Variants in ARHGAP26 observed in about 807,000 individuals in gnomAD.
The protein encoded by ARHGAP26 is Rho GTPase activating protein 26.
Under a neutral mutation model 104.8 loss-of-function variants are expected in ARHGAP26, and 38 were observed. The observed-to-expected ratio is 0.36, with a 90% CI of 0.28 to 0.48. ARHGAP26 has a LOEUF of 0.48. ARHGAP26 is among the 20% of genes least tolerant of loss of function. The probability of loss-of-function intolerance (pLI) is 0.99; values close to 1 mark genes in which losing one functional copy is unlikely to be tolerated. For missense variants in ARHGAP26, 704 were observed against 947.9 expected, an observed-to-expected ratio of 0.74 and a Z score of 3.38; for synonymous variants, 341 against 340.0, an observed-to-expected ratio of 1.00 and a Z score of -0.03.
intron 10 of ARHGAP26, among the ~76,000 whole-genome samples, chr5:142,930,628 ACTCCCTTCTCTTGCTCGTTTG>A (rs1240522284): frequency 6.7e-6 from 1 of 149,174 alleles, no homozygotes; most frequent in African/African-American, 2.5e-5. Flanking sequence ...TTGTTTTCTC[ACTCCCTTCTCTTGCTCGTTTG>A]CATGCTTTCC....
chr5:142,865,478 GTTTTTTTTTTT>G lies in ARHGAP26; in HGVS notation c.155-7909_155-7899del, dbSNP rs35950662. Among the ~76,000 whole-genome samples, 6 of 117,230 alleles carry G rather than the reference GTTTTTTTTTTT, an allele frequency of 5.1e-5. No homozygotes were observed. In the South Asian group the frequency reaches 8.7e-4, roughly 17 times the overall value. The allele number at this position is 117,230 out of a possible 152,430, so 76.9% of individuals were successfully genotyped here. A position where few individuals can be genotyped will look rare whatever the true frequency, so the allele number is the denominator to read the frequency against. ...AACTTGGAGTTTTCAACACGGAGAA[GTTTTTTTTTTT>G]TTTTTTTTTTTTGAATCCCTTATAA... On this transcript the variant is annotated intron_variant, in intron 1 of 22. Coordinates refer to ENST00000645722, the MANE Select transcript of ARHGAP26 (RefSeq NM_001135608.3).
At chr5:143,009,114 A>G (rs764538309) in intron 11 of ARHGAP26, among the ~76,000 whole-genome samples, 11 of 152,072 alleles carry the variant, frequency 7.2e-5, no homozygotes, top group Non-Finnish European at 1.3e-4. Flanking sequence ...CCTGTGGTTC[A>G]GAGAGAATAT....
intron 17 of ARHGAP26, among the ~76,000 whole-genome samples, chr5:143,081,613 A>G (rs973483613): frequency 6.6e-6 from 1 of 152,228 alleles, no homozygotes; most frequent in African/African-American, 2.4e-5. Context: ...GTCCTTGTTT[A>G]TAAAATGGGA....
chr5:142,812,289 T>G (rs1764239496), intron 1 of ARHGAP26, among the ~76,000 whole-genome samples: 1 of 152,176 alleles, frequency 6.6e-6, no homozygotes, highest in South Asian at 2.1e-4. Flanking sequence ...GGTCTCACTC[T>G]TTTGCCCAGG....
intron 17 of ARHGAP26, among the ~76,000 whole-genome samples, chr5:143,087,305 C>T (rs1312219228): frequency 6.6e-6 from 1 of 152,186 alleles, no homozygotes; most frequent in African/African-American, 2.4e-5. Context: ...GAACTTGGTT[C>T]TTTCATTGGA....
At chr5:142,962,661 A>G (rs1392701384) in intron 11 of ARHGAP26, among the ~76,000 whole-genome samples, 3 of 152,110 alleles carry the variant, frequency 2.0e-5, no homozygotes, top group Non-Finnish European at 4.4e-5. Flanking sequence ...TAAGCTATCT[A>G]TGTACAAAGC....
intron 17 of ARHGAP26, among the ~76,000 whole-genome samples, chr5:143,097,360 GAAA>G (rs56116431): frequency 0.011 from 711 of 63,244 alleles, 2 homozygotes; most frequent in South Asian, 0.028. Flanking sequence ...TCAAAAAAAA[GAAA>G]AAAAAAAAAA....
At chr5:143,070,393 T>C (rs1391895379) in intron 17 of ARHGAP26, among the ~76,000 whole-genome samples, 1 of 152,202 alleles carries the variant, frequency 6.6e-6, no homozygotes, top group Non-Finnish European at 1.5e-5. Flanking sequence ...ATGTTATTAA[T>C]ATATAGTGAC....
chr5:142,796,082 GT>G (rs1484929373), intron 1 of ARHGAP26, among the ~76,000 whole-genome samples: 1 of 151,856 alleles, frequency 6.6e-6, no homozygotes, highest in African/African-American at 2.4e-5. Flanking sequence ...GTGTGTGTGT[GT>G]GTGTGTGTTA....
At chr5:142,924,159 AT>A (rs1248433565) in intron 10 of ARHGAP26, among the ~76,000 whole-genome samples, 1 of 152,136 alleles carries the variant, frequency 6.6e-6, no homozygotes, top group Non-Finnish European at 1.5e-5. Flanking sequence ...TAAATAATTG[AT>A]TAGAAGCTAC....
At chr5:143,054,625 G>C in intron 15 of ARHGAP26, 99 bp downstream of exon 15, 1 of 824,812 alleles carries the variant, frequency 1.2e-6, no homozygotes, top group Non-Finnish European at 1.9e-6. Flanking sequence ...TGTCGGGTGG[G>C]TGTTTGAGAT....
rs570758395 is a variant in ARHGAP26, at chr5:143,011,151, G to A, written c.1108-2929G>A. ...TCACACTGGCCTTCTTCCTTCAAATGCAATGACTTTTCACCTTCCAAGGAC... is the reference window on the plus strand; with the variant it reads ...TCACACTGGCCTTCTTCCTTCAAATACAATGACTTTTCACCTTCCAAGGAC... On this transcript the variant is annotated intron_variant, in intron 11 of 22. Coordinates refer to ENST00000645722, the MANE Select transcript of ARHGAP26 (RefSeq NM_001135608.3). Among the ~76,000 whole-genome samples the A allele has an allele frequency of 8.3e-4, 127 of 152,130 alleles. 1 individual carries two copies. The highest frequency in any genetic ancestry group is 3.0e-3 in the African/African-American group (126 of 41,486).
intron 11 of ARHGAP26, among the ~76,000 whole-genome samples, chr5:142,954,622 A>G (rs1393434523): frequency 6.6e-6 from 1 of 152,150 alleles, no homozygotes; most frequent in Non-Finnish European, 1.5e-5. Flanking sequence ...TCCCTCACCC[A>G]GATCAGTAAC....
intron 14 of ARHGAP26, among the ~76,000 whole-genome samples, chr5:143,047,627 T>C (rs1237648561): frequency 6.6e-6 from 1 of 152,206 alleles, no homozygotes; most frequent in Non-Finnish European, 1.5e-5. Flanking sequence ...TGTGTATTAC[T>C]GTTTTGCATA....
chr5:142,805,688 T>C (rs1311753297), intron 1 of ARHGAP26, among the ~76,000 whole-genome samples: 2 of 152,204 alleles, frequency 1.3e-5, no homozygotes, highest in Non-Finnish European at 2.9e-5. Flanking sequence ...TGGAATGAAG[T>C]ACCAGAACCC....
At chr5:142,867,288 G>GGTGTGTGTGTGTGT (rs70991782) in intron 1 of ARHGAP26, among the ~76,000 whole-genome samples, 43 of 143,698 alleles carry the variant, frequency 3.0e-4, no homozygotes, top group Middle Eastern at 7.1e-3. Context: ...ATTTGCACAG[G>GGTGTGTGTGTGTGT]GTGTGTGTGT....
At chr5:143,085,902 A>C (rs1262414879) in intron 17 of ARHGAP26, among the ~76,000 whole-genome samples, 2 of 152,218 alleles carry the variant, frequency 1.3e-5, no homozygotes, top group African/African-American at 4.8e-5. Context: ...GTTTCTTATA[A>C]TATTTAAATA....
chr5:142,889,945 A>T (rs1758261529), intron 5 of ARHGAP26, among the ~76,000 whole-genome samples: 1 of 119,178 alleles, frequency 8.4e-6, no homozygotes, highest in Non-Finnish European at 1.6e-5. Flanking sequence ...GACCAGCCTG[A>T]CCAACGTGGA....
chr5:143,067,531 G>A (rs1434860606), intron 17 of ARHGAP26, among the ~76,000 whole-genome samples: 1 of 152,166 alleles, frequency 6.6e-6, no homozygotes, highest in Non-Finnish European at 1.5e-5. Context: ...TTGAATTTTG[G>A]TATCAGTCTT....
Sources: allele counts gnomAD v4.1 joint callset (sites outside exome capture counted in the v4.1 genomes callset), GRCh38; gene constraint gnomAD v4.1.1; transcripts MANE v1.5; gene names NCBI Gene and HGNC (gene_info 2026-07-23, HGNC 2026-07-21).